Variants in RHBDL3 observed in about 807,000 individuals in gnomAD.
RHBDL3 encodes rhomboid like 3.
RHBDL3 carries 28 observed loss-of-function variants against 48.2 expected under a neutral mutation model. The ratio of observed to expected loss-of-function variants is 0.58; its 90% CI spans 0.43 to 0.80. The LOEUF (loss-of-function observed/expected upper bound fraction) is 0.80, where lower values mean the gene tolerates loss of function less well. Among genes scored for constraint, RHBDL3 ranks in the 30% least tolerant of loss-of-function variants. The pLI is 0.00. For missense variants in RHBDL3, 464 were observed against 542.7 expected, an observed-to-expected ratio of 0.85 and a Z score of 1.44; for synonymous variants, 208 against 232.3, an observed-to-expected ratio of 0.90 and a Z score of 0.95.
At chr17:32,283,153 G>C (rs551935895) in intron 2 of RHBDL3, among the ~76,000 whole-genome samples, 1 of 152,188 alleles carries the variant, frequency 6.6e-6, no homozygotes, top group African/African-American at 2.4e-5. Flanking sequence ...GGATGCAGTG[G>C]AGTCTTATGT....
At chr17:32,271,491 G>C (rs1425520771) in intron 2 of RHBDL3, among the ~76,000 whole-genome samples, 1 of 152,082 alleles carries the variant, frequency 6.6e-6, no homozygotes, top group African/African-American at 2.4e-5. Context: ...GTCCCTTCCT[G>C]AATCCCAGGA....
chr17:32,319,292 C>G (rs773032707), intron 8 of RHBDL3, among the ~76,000 whole-genome samples: 53 of 151,804 alleles, frequency 3.5e-4, no homozygotes, highest in Non-Finnish European at 6.6e-4. Flanking sequence ...TGTGGTGGCA[C>G]ATGCCTGTAG....
chr17:32,291,710 T>C (rs962333892), intron 4 of RHBDL3, among the ~76,000 whole-genome samples: 1 of 151,828 alleles, frequency 6.6e-6, no homozygotes, highest in Admixed American at 6.6e-5. Flanking sequence ...AAATGTCATC[T>C]TCCTGGGGTT....
chr17:32,286,216 C>T (rs1453565302), intron 3 of RHBDL3, among the ~76,000 whole-genome samples: 1 of 152,186 alleles, frequency 6.6e-6, no homozygotes, highest in Non-Finnish European at 1.5e-5. Flanking sequence ...CTGCAAGATG[C>T]CCTGCTAGGT....
intron 8 of RHBDL3, among the ~76,000 whole-genome samples, chr17:32,317,827 T>C (rs530047672): frequency 7.9e-5 from 12 of 152,182 alleles, no homozygotes; most frequent in Admixed American, 4.6e-4. Context: ...GTGTGGAGAA[T>C]AGATTGTGGG....
At position 32,298,081 on chromosome 17, in the gene RHBDL3, C is replaced by G. The variant is rs377186702; in HGVS notation, c.669-11C>G. ...ATAGATGAATGAGTGAGTGTGGTCT[C>G]TCTGTCACAGGATAGAACACCTGGG... On this transcript the variant is annotated splice_polypyrimidine_tract_variant and intron_variant, in intron 5 of 8. Transcript: ENST00000269051. 1.1e-4 allele frequency: 169 copies of G among 1,573,498 alleles called. No individual in the cohort carries two copies. In the African/African-American group the frequency reaches 2.0e-3, roughly 18 times the overall value.
intron 3 of RHBDL3, among the ~76,000 whole-genome samples, chr17:32,288,559 T>C (rs2040250838): frequency 6.6e-6 from 1 of 152,112 alleles, no homozygotes; most frequent in Admixed American, 6.5e-5. Flanking sequence ...TAATAGTCCT[T>C]ATCTAACGGG....
intron 2 of RHBDL3, among the ~76,000 whole-genome samples, chr17:32,277,425 C>A (rs62064183): frequency 6.6e-6 from 1 of 152,180 alleles, no homozygotes; most frequent in African/African-American, 2.4e-5. Context: ...GGCTCATGGG[C>A]CTGCAGCTGG....
rs533362550 is a variant in RHBDL3, at chr17:32,266,707, C to G, written c.111+407C>G. Among the ~76,000 whole-genome samples the G allele has an allele frequency of 8.5e-4, 130 of 152,302 alleles. 1 individual carries two copies. Among genetic ancestry groups the G allele is most frequent in the South Asian group, 4.3e-3 (21 of 4,830 alleles). ...GAAGGAGCGGACGCCGCAGAGTCCC[C>G]GTCCCTGGCCATGCAAGCCGGCCTG... On this transcript the variant is annotated intron_variant, in intron 1 of 8. Transcript: ENST00000269051.
At chr17:32,287,008 C>T (rs1052215707) in intron 3 of RHBDL3, among the ~76,000 whole-genome samples, 6 of 152,170 alleles carry the variant, frequency 3.9e-5, no homozygotes, top group South Asian at 2.1e-4. Flanking sequence ...TATGAGTACC[C>T]GGGGAAACTA....
At chr17:32,288,225 A>C (rs4794913) in intron 3 of RHBDL3, 56,759 of 152,612 alleles carry the variant, frequency 0.37, 11,317 homozygotes, top group African/African-American at 0.51. Flanking sequence ...GACTTCACCT[A>C]CTCCAGGAAG....
At chr17:32,275,052 G>C (rs1440098043) in intron 2 of RHBDL3, among the ~76,000 whole-genome samples, 1 of 152,034 alleles carries the variant, frequency 6.6e-6, no homozygotes, top group Non-Finnish European at 1.5e-5. Flanking sequence ...GGATCTGTTG[G>C]CTCTCTCTCC....
intron 2 of RHBDL3, among the ~76,000 whole-genome samples, chr17:32,273,042 C>A (rs913195144): frequency 6.6e-6 from 1 of 152,138 alleles, no homozygotes; most frequent in Admixed American, 6.5e-5. Context: ...CTCTTGTTGC[C>A]CAGGTTAGAG....
chr17:32,302,378 A>G (rs1393634561), intron 6 of RHBDL3, among the ~76,000 whole-genome samples: 2 of 151,590 alleles, frequency 1.3e-5, no homozygotes, highest in African/African-American at 4.9e-5. Context: ...TTTTTTTGAG[A>G]CGAAGTCTTG....
chr17:32,287,826 G>A lies in RHBDL3; in HGVS notation c.295-966G>A, dbSNP rs571714756. Reference sequence around the variant, plus strand: ...AGCCATATCTCTAGGACTTCTCCCCGTAAGAAGGGTCTACAGTTGGCCGTG... The same window carrying A: ...AGCCATATCTCTAGGACTTCTCCCCATAAGAAGGGTCTACAGTTGGCCGTG... On this transcript the variant is annotated intron_variant, in intron 3 of 8. Transcript: ENST00000269051. 6.6e-5 allele frequency among the ~76,000 whole-genome samples: 10 copies of A among 152,312 alleles called. No homozygotes were observed. The South Asian group carries it at 8.3e-4, about 13-fold the overall frequency.
intron 6 of RHBDL3, among the ~76,000 whole-genome samples, chr17:32,298,465 G>A (rs975966374): frequency 5.3e-5 from 8 of 152,230 alleles, no homozygotes; most frequent in Non-Finnish European, 2.9e-5. Context: ...ACCGACTCTC[G>A]GTCTCACACC....
chr17:32,298,740 A>G (rs1408635567), intron 6 of RHBDL3, among the ~76,000 whole-genome samples: 2 of 152,178 alleles, frequency 1.3e-5, no homozygotes, highest in African/African-American at 4.8e-5. Flanking sequence ...ACCCAGACCA[A>G]CCGCAGTCCC....
intron 3 of RHBDL3, among the ~76,000 whole-genome samples, chr17:32,286,483 T>G (rs1268173991): frequency 6.6e-6 from 1 of 152,194 alleles, no homozygotes; most frequent in East Asian, 1.9e-4. Flanking sequence ...TGGCTCTGCC[T>G]CTGCCACTCA....
chr17:32,308,765 C>G (rs2040768951), intron 7 of RHBDL3, among the ~76,000 whole-genome samples: 1 of 152,124 alleles, frequency 6.6e-6, no homozygotes, highest in South Asian at 2.1e-4. Context: ...TTGGGTCGAC[C>G]CATATGAAAT....
Sources: allele counts gnomAD v4.1 joint callset (sites outside exome capture counted in the v4.1 genomes callset), GRCh38; gene constraint gnomAD v4.1.1; transcripts MANE v1.5; gene names NCBI Gene and HGNC (gene_info 2026-07-23, HGNC 2026-07-21).